NCLN: variants seen among roughly 807,000 people sequenced by gnomAD.
NCLN encodes the protein nicalin, also known as BOS complex subunit NCLN.
A neutral mutation model predicts 69.5 loss-of-function variants in NCLN; 34 were observed. The observed-to-expected ratio is 0.49, with a 90% CI of 0.37 to 0.65. NCLN has a LOEUF of 0.65. Among genes scored for constraint, NCLN ranks in the 30% least tolerant of loss-of-function variants. The probability of loss-of-function intolerance (pLI) is 0.00; values close to 1 mark genes in which losing one functional copy is unlikely to be tolerated. For synonymous variants in NCLN, 393 were observed against 358.3 expected (o/e 1.10, Z -1.09); for missense variants, 710 against 804.8 (o/e 0.88, Z 1.42).
chr19:3,200,872 G>C (rs311623), intron 5 of NCLN, among the ~76,000 whole-genome samples: 36,127 of 151,998 alleles, frequency 0.24, 4,430 homozygotes, highest in East Asian at 0.4. Flanking sequence ...TGTGGACAAA[G>C]TCTTTTGGAT....
intron 9 of NCLN, 123 bp downstream of exon 9, chr19:3,204,874 G>A (rs1189634416): frequency 1.8e-6 from 2 of 1,098,274 alleles, no homozygotes; most frequent in Non-Finnish European, 2.4e-6. Flanking sequence ...CTGCGAGGAA[G>A]GGGCCGGTGC....
In NCLN at chr19:3,205,368, G is replaced by A. The variant is rs915379755; in HGVS notation, c.1209-571G>A. On this transcript the variant is annotated intron_variant, in intron 9 of 14. Transcript: ENST00000246117. The surrounding 1 kb of genome is among the most constrained non-coding windows in gnomAD (Gnocchi z 4.6). The stretch of plus-strand genomic sequence containing the variant: ...TTCCCGTTCATCCACTCTGCTCTGC[G>A]GTCACTGGGCCCTCAGGAGTGGTTT... Among the ~76,000 whole-genome samples the A allele has an allele frequency of 3.9e-5, 6 of 152,234 alleles. No individual in the cohort carries two copies. Among genetic ancestry groups the A allele is most frequent in the African/African-American group, 9.6e-5 (4 of 41,460 alleles).
At position 3,206,354 on chromosome 19, in the gene NCLN, C is replaced by T. The variant is rs1284464103; in HGVS notation, c.1428C>T (p.Leu476=). ...TGGTGGACAAGGACAGCACCTTCCT[C>T]AGCACGCTGGAGCACCACCTGAGCC... ...AQLVDKDSTF[L]STLEHHLSRY... Residue 476 remains leucine, a synonymous_variant, in exon 12 of 15, where the codon CTC becomes CTT. Transcript: ENST00000246117. 4.5e-6 allele frequency: 7 copies of T among 1,548,208 alleles called. No individual in the cohort carries two copies. Among genetic ancestry groups the T allele is most frequent in the East Asian group, 2.4e-5 (1 of 40,930 alleles).
At chr19:3,191,191 C>T (rs1028563549) in intron 1 of NCLN, among the ~76,000 whole-genome samples, 113 of 151,956 alleles carry the variant, frequency 7.4e-4, no homozygotes, top group Admixed American at 2.9e-3. Context: ...CTCAGGTGTG[C>T]GGAGCAGGGA....
In NCLN at chr19:3,207,744, A is replaced by T. The variant is rs1916311584; in HGVS notation, c.*56A>T. The T allele has an allele frequency of 6.7e-7, 1 of 1,496,922 alleles. No homozygotes were observed. The highest frequency in any genetic ancestry group is 9.3e-7 in the Non-Finnish European group (1 of 1,077,602). The allele number at this position is 1,496,922 out of a possible 1,614,324, so 92.7% of individuals were successfully genotyped here. The stretch of plus-strand genomic sequence containing the variant: ...CGCTCCACAGTCCCTGGGGCCGAGC[A>T]CGAGTGAGTGGACACTGCCCCGCCG... On this transcript the variant is annotated 3_prime_UTR_variant, in exon 15 of 15. Coordinates refer to ENST00000246117, the MANE Select transcript of NCLN (RefSeq NM_020170.4).
intron 4 of NCLN, among the ~76,000 whole-genome samples, chr19:3,198,474 T>C (rs1382133639): frequency 7.3e-6 from 1 of 137,924 alleles, no homozygotes; most frequent in Non-Finnish European, 1.5e-5. Context: ...ACCACTGCAC[T>C]CCAGCCTGGG....
intron 5 of NCLN, among the ~76,000 whole-genome samples, chr19:3,199,459 C>T (rs1191107448): frequency 2.6e-5 from 4 of 152,248 alleles, no homozygotes; most frequent in African/African-American, 7.2e-5. Flanking sequence ...TGCTGCCTGG[C>T]CCATGCCGGG....
chr19:3,200,514 G>A lies in NCLN; in HGVS notation c.697-1009G>A, dbSNP rs867176412. The stretch of plus-strand genomic sequence containing the variant: ...TTTAGTAGAGATAGGGTTTCACCAT[G>A]TTGGCCAGGATGGTCTTGAACTCCA... On this transcript the variant is annotated intron_variant, in intron 5 of 14. Coordinates refer to ENST00000246117, the MANE Select transcript of NCLN (RefSeq NM_020170.4). Among the ~76,000 whole-genome samples, 3 of 151,400 alleles carry A rather than the reference G, an allele frequency of 2.0e-5. No individual in the cohort carries two copies. The Middle Eastern group carries it at 0.011, about 533-fold the overall frequency.
intron 4 of NCLN, among the ~76,000 whole-genome samples, chr19:3,196,967 A>G (rs1165242965): frequency 1.3e-5 from 2 of 152,238 alleles, no homozygotes; most frequent in African/African-American, 2.4e-5. Context: ...TTGGGGACCC[A>G]GGCCTTGTTG....
chr19:3,189,878 G>A (rs558427408), intron 1 of NCLN, among the ~76,000 whole-genome samples: 1 of 152,346 alleles, frequency 6.6e-6, no homozygotes, highest in Non-Finnish European at 1.5e-5. Context: ...TGGTGCTGAC[G>A]CGAGGCGGGG....
chr19:3,202,360 G>A lies in NCLN; in HGVS notation c.800+734G>A, dbSNP rs189823055. ...TAATGAATGCAGGCTTCGTCCCCGT[G>A]GCCCTGTGGATGTCTTCTGTGCATG... On this transcript the variant is annotated intron_variant, in intron 6 of 14. Transcript: ENST00000246117. Among the ~76,000 whole-genome samples, 4 of 152,234 alleles carry A rather than the reference G, an allele frequency of 2.6e-5. No individual in the cohort carries two copies. In the East Asian group the frequency reaches 7.7e-4, roughly 29 times the overall value.
rs1192403994 is a variant in NCLN, at chr19:3,206,182, G to A, written c.1327G>A (p.Glu443Lys). The A allele has an allele frequency of 3.4e-6, 5 of 1,471,994 alleles. No individual in the cohort carries two copies. In the East Asian group the frequency reaches 1.3e-4, roughly 39 times the overall value. The allele number at this position is 1,471,994 out of a possible 1,614,324, so 91.2% of individuals were successfully genotyped here. Reference protein sequence around the residue: ...GTPPDMPVFTEQMQIQQEQLD... With the variant: ...GTPPDMPVFTKQMQIQQEQLD... ...ACCCCCAGACATGCCGGTGTTCACA[G>A]AGCAGATGGTAAGGGGGCCAGGCCA... Residue 443 changes from glutamate to lysine, a missense_variant, in exon 11 of 15, where the codon GAG (glutamate) becomes AAG (lysine). Coordinates refer to ENST00000246117, the MANE Select transcript of NCLN (RefSeq NM_020170.4).
chr19:3,195,473 TCTC>T (rs768326417), intron 3 of NCLN, among the ~76,000 whole-genome samples: 1 of 152,072 alleles, frequency 6.6e-6, no homozygotes, highest in Non-Finnish European at 1.5e-5. Context: ...AGGGTCTCGA[TCTC>T]CTGACGTCGT....
chr19:3,187,199 C>T (rs1407792953), intron 1 of NCLN, among the ~76,000 whole-genome samples: 5 of 152,162 alleles, frequency 3.3e-5, no homozygotes, highest in Non-Finnish European at 7.4e-5. Context: ...TCCCACTCAA[C>T]AGCCTCGCCC....
chr19:3,190,186 C>T (rs1051043791), intron 1 of NCLN, among the ~76,000 whole-genome samples: 4 of 152,158 alleles, frequency 2.6e-5, no homozygotes, highest in African/African-American at 4.8e-5. Context: ...AGGACTCCCT[C>T]GAGGTCTTTG....
At chr19:3,204,540 C>T in intron 8 of NCLN, 33 bp from the exon 9 acceptor site, 1 of 1,503,872 alleles carries the variant, frequency 6.6e-7, no homozygotes, top group Non-Finnish European at 8.9e-7. Context: ...GCCATCCCCG[C>T]CTGCCCTCTG....
rs1344290204 is a variant in NCLN, at chr19:3,201,580, G to A, written c.754G>A (p.Ala252Thr). 2 of 1,560,842 alleles carry A rather than the reference G, an allele frequency of 1.3e-6. No individual in the cohort carries two copies. The highest frequency in any genetic ancestry group is 2.3e-5 in the East Asian group (1 of 42,948). Residue 252 changes from alanine to threonine, a missense_variant, in exon 6 of 15, where the codon GCA becomes ACA. By Grantham distance (58) the Ala-to-Thr change is moderately conservative (BLOSUM62 0). Coordinates refer to ENST00000246117, the MANE Select transcript of NCLN (RefSeq NM_020170.4). ...CGGCGTCTCTGTGCTGCTGGAGCTG[G>A]CACGCCTCTTCTCCCGGCTCTACAC... The part of the protein sequence containing the change: ...GSGVSVLLEL[A>T]RLFSRLYTYK...
At chr19:3,207,312 C>A (rs890572646) in intron 13 of NCLN, 61 bp downstream of exon 13, 5 of 1,612,254 alleles carry the variant, frequency 3.1e-6, no homozygotes, top group Non-Finnish European at 4.2e-6. Context: ...GCCGAGGGGA[C>A]TGCGGCCCAC....
intron 6 of NCLN, among the ~76,000 whole-genome samples, chr19:3,203,326 G>T (rs965128485): frequency 1.3e-5 from 2 of 151,892 alleles, no homozygotes; most frequent in Non-Finnish European, 2.9e-5. Context: ...AAAAAAAAAA[G>T]AATTCTTCTT....
Sources: gnomAD v4.1 joint callset for allele counts (sites outside exome capture counted in the v4.1 genomes callset) on GRCh38, gnomAD v4.1.1 for gene constraint, Gnocchi (gnomAD v3.1) non-coding constraint, MANE v1.5 for transcripts, NCBI Gene and HGNC (gene_info 2026-07-23, HGNC 2026-07-21) for gene names.